Variants in ARB2A observed in about 807,000 individuals in gnomAD.
ARB2A encodes the protein ARB2 cotranscriptional regulator A.
chr5:93,846,774 T>C, the ARB2A span, among the ~76,000 whole-genome samples: 11 of 152,192 alleles, frequency 7.2e-5, no homozygotes, highest in Non-Finnish European at 1.3e-4. Flanking sequence ...TTCACTGAAC[T>C]ACAATCTTTT....
the ARB2A span, among the ~76,000 whole-genome samples, chr5:93,876,104 T>C: frequency 6.6e-6 from 1 of 152,232 alleles, no homozygotes; most frequent in Non-Finnish European, 1.5e-5. Context: ...TAACACATTA[T>C]ACAAAAATAA....
At chr5:93,691,701 G>A in the ARB2A span, among the ~76,000 whole-genome samples, 10 of 151,774 alleles carry the variant, frequency 6.6e-5, no homozygotes, top group African/African-American at 2.2e-4. Flanking sequence ...TCCTCGAGAA[G>A]AGCAACCCCA....
the ARB2A span, chr5:93,805,250 C>G: frequency 1.0e-6 from 1 of 984,980 alleles, no homozygotes; most frequent in Non-Finnish European, 1.2e-6. Context: ...TTAAAAATTA[C>G]TATTCCTATA....
At chr5:93,645,531 G>A in the ARB2A span, among the ~76,000 whole-genome samples, 5 of 148,750 alleles carry the variant, frequency 3.4e-5, no homozygotes, top group South Asian at 4.2e-4. Flanking sequence ...CCAAGATTGC[G>A]CCACTGCACT....
At chr5:93,831,059 G>C in the ARB2A span, among the ~76,000 whole-genome samples, 1 of 152,066 alleles carries the variant, frequency 6.6e-6, no homozygotes, top group Non-Finnish European at 1.5e-5. Context: ...TACTGCAGCT[G>C]ATCTGATAGG....
chr5:93,919,300 T>C, the ARB2A span, among the ~76,000 whole-genome samples: 3 of 152,090 alleles, frequency 2.0e-5, no homozygotes, highest in Non-Finnish European at 4.4e-5. Flanking sequence ...CTTTAATAAT[T>C]TGACTTACCT....
At chr5:93,854,010 T>G in the ARB2A span, among the ~76,000 whole-genome samples, 3 of 152,196 alleles carry the variant, frequency 2.0e-5, no homozygotes, top group Admixed American at 6.5e-5. Context: ...TTCTATTGAT[T>G]GGAGTAGTTT....
At chr5:93,900,610 T>C in the ARB2A span, among the ~76,000 whole-genome samples, 1 of 131,106 alleles carries the variant, frequency 7.6e-6, no homozygotes, top group South Asian at 2.4e-4. Context: ...TGAGACGCTG[T>C]CTCAAAAAAA....
At chr5:93,832,420 T>C in the ARB2A span, among the ~76,000 whole-genome samples, 1 of 152,100 alleles carries the variant, frequency 6.6e-6, no homozygotes, top group Admixed American at 6.5e-5. Context: ...TTACTACTAA[T>C]CCTGATGGAG....
chr5:94,044,526 C>A, the ARB2A span, among the ~76,000 whole-genome samples: 2 of 152,022 alleles, frequency 1.3e-5, no homozygotes, highest in Non-Finnish European at 2.9e-5. Flanking sequence ...GATCTTCATC[C>A]CTCTGCAACC....
At chr5:93,844,050 A>T in the ARB2A span, among the ~76,000 whole-genome samples, 1 of 151,952 alleles carries the variant, frequency 6.6e-6, no homozygotes, top group African/African-American at 2.4e-5. Flanking sequence ...AAGAAAAATA[A>T]AATTTTAGGA....
the ARB2A span, among the ~76,000 whole-genome samples, chr5:94,077,069 T>A: frequency 6.6e-6 from 1 of 152,078 alleles, no homozygotes; most frequent in Non-Finnish European, 1.5e-5. Flanking sequence ...GCTGGAGTAA[T>A]AACATATAAG....
chr5:93,682,689 C>T, the ARB2A span: 3 of 618,006 alleles, frequency 4.9e-6, no homozygotes, highest in Non-Finnish European at 8.6e-6. Flanking sequence ...TTGGACAACA[C>T]ATTCTTGGCA....
chr5:93,710,080 T>C, the ARB2A span, among the ~76,000 whole-genome samples: 4 of 152,198 alleles, frequency 2.6e-5, no homozygotes, highest in African/African-American at 7.2e-5. Flanking sequence ...CTCAGAACTT[T>C]ACAGTAACAC....
the ARB2A span, among the ~76,000 whole-genome samples, chr5:93,846,692 T>C: frequency 4.6e-5 from 7 of 152,130 alleles, no homozygotes; most frequent in Non-Finnish European, 8.8e-5. Context: ...ATTAATATTA[T>C]AATATTACTT....
At chr5:93,741,235 A>G in the ARB2A span, 3 of 1,613,902 alleles carry the variant, frequency 1.9e-6, no homozygotes, top group Non-Finnish European at 2.5e-6. Context: ...CAACTTCGGA[A>G]TGCTCCGCAG....
chr5:93,932,920 T>C, the ARB2A span, among the ~76,000 whole-genome samples: 1 of 152,062 alleles, frequency 6.6e-6, no homozygotes, highest in South Asian at 2.1e-4. Flanking sequence ...AGGGCTAATA[T>C]CCAGAATCTA....
At chr5:93,704,944 G>T in the ARB2A span, among the ~76,000 whole-genome samples, 2 of 152,120 alleles carry the variant, frequency 1.3e-5, no homozygotes, top group South Asian at 2.1e-4. Flanking sequence ...AATCCCCCAG[G>T]CCTTGGGGGT....
the ARB2A span, among the ~76,000 whole-genome samples, chr5:94,032,526 A>G: frequency 3.3e-5 from 5 of 152,150 alleles, no homozygotes; most frequent in African/African-American, 1.2e-4. Flanking sequence ...CAACTCCAAT[A>G]CTGGGGATTA....
Sources: allele counts gnomAD v4.1 joint callset (sites outside exome capture counted in the v4.1 genomes callset), GRCh38; gene constraint gnomAD v4.1.1; transcripts MANE v1.5; gene names NCBI Gene and HGNC (gene_info 2026-07-23, HGNC 2026-07-21).